Variants in BRAF observed in about 807,000 individuals in gnomAD.
The protein encoded by BRAF is serine/threonine-protein kinase B-raf.
In BRAF, 16 loss-of-function variants were observed where a neutral mutation model predicts 104.6. That is an observed-to-expected ratio of 0.15 (90% confidence interval 0.10 to 0.23). The LOEUF (loss-of-function observed/expected upper bound fraction) is 0.23, where lower values mean the gene tolerates loss of function less well. Among genes scored for constraint, BRAF ranks in the 10% least tolerant of loss-of-function variants. The pLI, the probability that BRAF is intolerant of heterozygous loss-of-function variation, is 1.00. For missense variants in BRAF, 541 were observed against 937.3 expected (o/e 0.58, Z 5.52); for synonymous variants, 310 against 341.6 (o/e 0.91, Z 1.02).
chr7:140,722,301 G>A lies in BRAF; in HGVS notation c.*4193C>T. The A allele has an allele frequency of 1.9e-6, 2 of 1,055,796 alleles. No homozygotes were observed. Among genetic ancestry groups the A allele is most frequent in the Non-Finnish European group, 1.1e-6 (1 of 873,348 alleles). 65.4% of individuals were successfully genotyped at this position (1,055,796 alleles called of 1,614,324 possible). On this transcript the variant is annotated 3_prime_UTR_variant, in exon 20 of 20. Transcript: ENST00000644969. Reference sequence around the variant, plus strand: ...TGATTTTGGCTATAAACTCTTTAGTGCATTTACCTATGCAGTCTAAATTGC... The same window carrying A: ...TGATTTTGGCTATAAACTCTTTAGTACATTTACCTATGCAGTCTAAATTGC...
rs558228685 is a variant in BRAF, at chr7:140,911,110, G to C, written c.138+13456C>G. ...GGTGAGTTATAACTATGCAGACTAA[G>C]AGTACCGAAAAAGAATTCAGTCATT... On this transcript the variant is annotated intron_variant, in intron 1 of 19. Coordinates refer to ENST00000644969, the MANE Select transcript of BRAF (RefSeq NM_001374258.1). Among the ~76,000 whole-genome samples the C allele has an allele frequency of 3.3e-5, 5 of 152,246 alleles. No individual in the cohort carries two copies. The South Asian group carries it at 1.0e-3, about 32-fold the overall frequency.
chr7:140,808,235 A>AC (rs2129048021), intron 4 of BRAF, 173 bp from the exon 5 acceptor site: 1 of 666,248 alleles, frequency 1.5e-6, no homozygotes, highest in East Asian at 2.9e-5. Flanking sequence ...TTTTAAGTTT[A>AC]CCCCAAATAA....
chr7:140,891,589 C>CT (rs1814224078), intron 1 of BRAF, among the ~76,000 whole-genome samples: 1 of 152,112 alleles, frequency 6.6e-6, no homozygotes, highest in African/African-American at 2.4e-5. Context: ...TGGAGGGCCA[C>CT]TGTAGAAGTG....
At chr7:140,917,556 TTCAAG>T (rs2129145331) in intron 1 of BRAF, among the ~76,000 whole-genome samples, 1 of 151,834 alleles carries the variant, frequency 6.6e-6, no homozygotes, top group South Asian at 2.1e-4. Context: ...GAGCCCAGAG[TTCAAG>T]TCCAGCCTGG....
intron 3 of BRAF, among the ~76,000 whole-genome samples, chr7:140,820,695 T>C (rs1805382179): frequency 6.6e-6 from 1 of 152,150 alleles, no homozygotes; most frequent in Non-Finnish European, 1.5e-5. Flanking sequence ...ATCCCAGCAC[T>C]ATGGGAGGCC....
intron 1 of BRAF, among the ~76,000 whole-genome samples, chr7:140,896,817 T>G (rs1814961723): frequency 7.1e-6 from 1 of 141,734 alleles, no homozygotes; most frequent in Non-Finnish European, 1.5e-5. Flanking sequence ...TAAGCCAAGA[T>G]TGTGCCACTG....
intron 1 of BRAF, among the ~76,000 whole-genome samples, chr7:140,905,870 C>T (rs891074680): frequency 4.0e-5 from 6 of 151,660 alleles, no homozygotes; most frequent in East Asian, 1.9e-4. Flanking sequence ...GGGCGGATCA[C>T]GAGGTCAGGA....
intron 2 of BRAF, chr7:140,835,752 T>C (rs1269402465): frequency 2.6e-5 from 4 of 152,234 alleles, no homozygotes; most frequent in Admixed American, 2.6e-4. Context: ...TTGAACGAAT[T>C]GGAATATACA....
intron 1 of BRAF, among the ~76,000 whole-genome samples, chr7:140,879,939 C>T (rs1586517600): frequency 6.6e-6 from 1 of 152,168 alleles, no homozygotes; most frequent in African/African-American, 2.4e-5. Context: ...ACCATGTTGT[C>T]CAGGCTGGTC....
In BRAF at chr7:140,800,234, ATAAGTTATT is replaced by A. The variant is rs1352677896; in HGVS notation, c.980+119_980+127del. The stretch of plus-strand genomic sequence containing the variant: ...TGCATGTAAATATCTGAGTGGTATG[ATAAGTTATT>A]TGGGGAAAAAGTCCTTAATTTAACA... On this transcript the variant is annotated intron_variant, in intron 7 of 19. Transcript: ENST00000644969. 9.9e-6 allele frequency: 14 copies of A among 1,414,048 alleles called. No homozygotes were observed. In the East Asian group the frequency reaches 3.3e-4, roughly 33 times the overall value. 87.6% of individuals were successfully genotyped at this position (1,414,048 alleles called of 1,614,324 possible).
chr7:140,803,986 G>T (rs925699738), intron 5 of BRAF, among the ~76,000 whole-genome samples: 3 of 152,082 alleles, frequency 2.0e-5, no homozygotes, highest in African/African-American at 7.2e-5. Context: ...CTGGTTTCAA[G>T]TGATTCTCCT....
chr7:140,914,896 C>T lies in BRAF; in HGVS notation c.138+9670G>A, dbSNP rs561115164. Among the ~76,000 whole-genome samples, 127 of 136,974 alleles carry T rather than the reference C, an allele frequency of 9.3e-4. 1 individual carries two copies. The highest frequency in any genetic ancestry group is 1.4e-3 in the South Asian group (6 of 4,252). 89.9% of individuals were successfully genotyped at this position (136,974 alleles called of 152,430 possible). ...CTACCAAAAATACAAAAAAATTAGCCGGGCATGGTGGCATGCGCCTGTAGT... is the reference window on the plus strand; with the variant it reads ...CTACCAAAAATACAAAAAAATTAGCTGGGCATGGTGGCATGCGCCTGTAGT... On this transcript the variant is annotated intron_variant, in intron 1 of 19. Coordinates refer to ENST00000644969, the MANE Select transcript of BRAF (RefSeq NM_001374258.1).
rs202163922 is a variant in BRAF, at chr7:140,896,169, T to TGG, written c.138+28395_138+28396dup. Among the ~76,000 whole-genome samples, 1,514 of 152,300 alleles carry TGG rather than the reference T, an allele frequency of 9.9e-3. 24 individuals are homozygous for TGG. The highest frequency in any genetic ancestry group is 0.034 in the African/African-American group (1,427 of 41,576). ...ACAGTTTTATAGCAGCCATCCTACC[T>TGG]GGGGCCAGATGATACCACACTGTGG... On this transcript the variant is annotated intron_variant, in intron 1 of 19. Transcript: ENST00000644969.
intron 19 of BRAF, chr7:140,731,864 T>C (rs1795990075): frequency 6.6e-6 from 1 of 152,084 alleles, no homozygotes; most frequent in Admixed American, 6.5e-5. Flanking sequence ...AAGGTTTCCT[T>C]ACTGAAGAAG....
intron 1 of BRAF, among the ~76,000 whole-genome samples, chr7:140,881,564 G>C (rs1018578913): frequency 2.6e-5 from 4 of 152,100 alleles, no homozygotes; most frequent in Non-Finnish European, 5.9e-5. Flanking sequence ...CTTATCATTC[G>C]TGTATTCACT....
intron 1 of BRAF, among the ~76,000 whole-genome samples, chr7:140,883,539 CATTGTAACAT>C (rs1391845399): frequency 6.6e-6 from 1 of 152,230 alleles, no homozygotes; most frequent in African/African-American, 2.4e-5. Flanking sequence ...AAATCATCTA[CATTGTAACAT>C]AGAGCTACTT....
Position 140,763,280 on chromosome 7 carries a change from G to A in BRAF, c.1815-9047C>T, listed in dbSNP as rs554005532. Among the ~76,000 whole-genome samples the A allele has an allele frequency of 9.2e-3, 1,324 of 144,248 alleles. 25 individuals are homozygous for A. Among genetic ancestry groups the A allele is most frequent in the African/African-American group, 0.032 (1,234 of 38,632 alleles). The allele number at this position is 144,248 out of a possible 152,430, so 94.6% of individuals were successfully genotyped here. On this transcript the variant is annotated intron_variant, in intron 14 of 19. Transcript: ENST00000644969. ...TCCCGGACGGGGTGGCTGGCCGGGCGGGGGGCTGACCCCCCCCACCTCCCT... is the reference window on the plus strand; with the variant it reads ...TCCCGGACGGGGTGGCTGGCCGGGCAGGGGGCTGACCCCCCCCACCTCCCT...
rs915490195 is a variant in BRAF, at chr7:140,726,269, G to A, written c.*225C>T. On this transcript the variant is annotated 3_prime_UTR_variant, in exon 20 of 20. Coordinates refer to ENST00000644969, the MANE Select transcript of BRAF (RefSeq NM_001374258.1). ...TGGGACTGGGCAGACTTGTATGCTC[G>A]TGGTATTTTTGTTGAAGAAACACTG... 4.3e-6 allele frequency: 6 copies of A among 1,404,316 alleles called. No individual in the cohort carries two copies. Among genetic ancestry groups the A allele is most frequent in the Non-Finnish European group, 5.5e-6 (6 of 1,085,966 alleles). The allele number at this position is 1,404,316 out of a possible 1,614,324, so 87.0% of individuals were successfully genotyped here. A position where few individuals can be genotyped will look rare whatever the true frequency, so the allele number is the denominator to read the frequency against.
At chr7:140,828,286 G>C (rs1455063512) in intron 3 of BRAF, among the ~76,000 whole-genome samples, 2 of 151,980 alleles carry the variant, frequency 1.3e-5, no homozygotes, top group Non-Finnish European at 2.9e-5. Flanking sequence ...TCCATTCTTA[G>C]TTCGCAGGCC....
Sources: allele counts gnomAD v4.1 joint callset (sites outside exome capture counted in the v4.1 genomes callset), GRCh38; gene constraint gnomAD v4.1.1; transcripts MANE v1.5; gene names NCBI Gene and HGNC (gene_info 2026-07-23, HGNC 2026-07-21).